The following HEATR3 variants were observed in gnomAD, a reference collection of about 807,000 sequenced individuals.
HEATR3 encodes HEAT repeat containing 3, also known as HEAT repeat-containing protein 3.
HEATR3 carries 56 observed loss-of-function variants against 72.8 expected under a neutral mutation model. The ratio of observed to expected loss-of-function variants is 0.77; its 90% CI spans 0.62 to 0.96. The LOEUF (loss-of-function observed/expected upper bound fraction) is 0.96. Ranked by LOEUF, HEATR3 falls within the 40% of genes least tolerant of loss-of-function variation. The pLI is 0.00. For missense variants in HEATR3, 747 were observed against 831.4 expected, an observed-to-expected ratio of 0.90 and a Z score of 1.25; for synonymous variants, 331 against 318.1, an observed-to-expected ratio of 1.04 and a Z score of -0.43.
chr16:50,081,023 G>A (rs2036855503), intron 7 of HEATR3, among the ~76,000 whole-genome samples: 1 of 152,242 alleles, frequency 6.6e-6, no homozygotes, highest in Non-Finnish European at 1.5e-5. Context: ...ACAAGGTTTA[G>A]ATAGAAGTGC....
intron 7 of HEATR3, 123 bp from the exon 8 acceptor site, chr16:50,083,814 C>T (rs1250025217): frequency 4.1e-6 from 3 of 725,658 alleles, no homozygotes; most frequent in Non-Finnish European, 6.8e-6. Context: ...TTACCTACCC[C>T]ATTCCCCGTG....
chr16:50,075,436 G>C (rs2036703369), intron 5 of HEATR3, 135 bp from the exon 6 acceptor site: 1 of 663,524 alleles, frequency 1.5e-6, no homozygotes, highest in Non-Finnish European at 2.6e-6. Context: ...CTGAGATAAA[G>C]CATATATATT....
At chr16:50,092,130 A>T (rs868608711) in intron 11 of HEATR3, among the ~76,000 whole-genome samples, 11 of 152,052 alleles carry the variant, frequency 7.2e-5, no homozygotes, top group South Asian at 2.1e-4. Flanking sequence ...TGAGCTCAAG[A>T]GTTTGAGACC....
intron 5 of HEATR3, 95 bp downstream of exon 5, chr16:50,072,809 T>A (rs2036642742): frequency 1.3e-6 from 1 of 764,254 alleles, no homozygotes; most frequent in South Asian, 1.5e-5. Context: ...TGGAGTGATT[T>A]TTTGTTTCGT....
Position 50,102,344 on chromosome 16 carries a change from T to G in HEATR3, c.1829T>G (p.Val610Gly). The G allele has an allele frequency of 6.2e-7, 1 of 1,614,066 alleles. No homozygotes were observed. Among genetic ancestry groups the G allele is most frequent in the East Asian group, 2.2e-5 (1 of 44,878 alleles). Residue 610 changes from valine (V) to glycine (G), a missense_variant, in exon 14 of 15, where the codon GTT becomes GGT. Val to Gly is a moderately radical substitution (Grantham distance 109). This residue lies in a region of HEATR3 where 586 missense variants were observed against 708.8 expected (regional missense o/e 0.83). Transcript: ENST00000299192. ...GAAGCTTTGGATGCCCTCTTTGATG[T>G]TTTTGCAGATGGTAAAGAAGCCGAA... ...AGEALDALFD[V>G]FADGKEAERA... is the part of the protein sequence containing the mutation.
chr16:50,086,148 A>G, intron 10 of HEATR3, 67 bp from the exon 11 acceptor site: 1 of 1,448,680 alleles, frequency 6.9e-7, no homozygotes, highest in South Asian at 1.3e-5. Flanking sequence ...TTAGGCTAAA[A>G]GTTAATACTG....
chr16:50,105,312 C>A lies in HEATR3; in HGVS notation c.*251C>A. 5.5e-6 allele frequency: 2 copies of A among 366,898 alleles called. No homozygotes were observed. Among genetic ancestry groups the A allele is most frequent in the Non-Finnish European group, 1.0e-5 (2 of 197,798 alleles). The allele number at this position is 366,898 out of a possible 1,614,324, so 22.7% of individuals were successfully genotyped here. A position where few individuals can be genotyped will look rare whatever the true frequency, so the allele number is the denominator to read the frequency against. On this transcript the variant is annotated 3_prime_UTR_variant, in exon 15 of 15. Coordinates refer to ENST00000299192, the MANE Select transcript of HEATR3 (RefSeq NM_182922.4). ...CAGCCTGGCCAACATGGTGAAACCG[C>A]ATGCATAAGCATGGTGGCACATGCC...
chr16:50,070,117 T>G, intron 3 of HEATR3, 61 bp from the exon 4 acceptor site: 1 of 775,528 alleles, frequency 1.3e-6, no homozygotes, highest in Non-Finnish European at 2.1e-6. Context: ...ATCACCATCA[T>G]TACCCTATTT....
Position 50,066,103 on chromosome 16 carries a change from G to C in HEATR3, c.-29G>C, listed in dbSNP as rs777589004. The C allele has an allele frequency of 1.9e-6, 3 of 1,567,528 alleles. No homozygotes were observed. The South Asian group carries it at 3.5e-5, about 18-fold the overall frequency. On this transcript the variant is annotated 5_prime_UTR_variant, in exon 1 of 15. Transcript: ENST00000299192. ...CCGCCTGCTGTTGCCCTCCTCTCTC[G>C]GTGGTCTGTCCGCCCAGCGCACGTC...
Position 50,066,005 on chromosome 16 carries a change from A to G in HEATR3, c.-127A>G, listed in dbSNP as rs1039137985. 5 of 643,158 alleles carry G rather than the reference A, an allele frequency of 7.8e-6. No individual in the cohort carries two copies. Among genetic ancestry groups the G allele is most frequent in the Non-Finnish European group, 8.3e-6 (4 of 479,666 alleles). The allele number at this position is 643,158 out of a possible 1,614,324, so 39.8% of individuals were successfully genotyped here. A position where few individuals can be genotyped will look rare whatever the true frequency, so the allele number is the denominator to read the frequency against. On this transcript the variant is annotated 5_prime_UTR_variant, in exon 1 of 15. The change abolishes an upstream ATG in the 5' untranslated region. Coordinates refer to ENST00000299192, the MANE Select transcript of HEATR3 (RefSeq NM_182922.4). ...CCGTGCGCCTGCGCACGGCTTGCCC[A>G]TGTGTGCTGCAGCCGTCAGCCGGCC...
In HEATR3 at chr16:50,066,049, G is replaced by C; in HGVS notation, c.-83G>C. On this transcript the variant is annotated 5_prime_UTR_variant, in exon 1 of 15. Coordinates refer to ENST00000299192, the MANE Select transcript of HEATR3 (RefSeq NM_182922.4). ...GCCGGCCCAGCTGAGCAGCAGCAAC[G>C]GACCTTGTTAACGGCGCGGCAGCCT... is the stretch of plus-strand genomic sequence containing the variant. 2.2e-6 allele frequency: 3 copies of C among 1,377,072 alleles called. No individual in the cohort carries two copies. The highest frequency in any genetic ancestry group is 1.2e-5 in the South Asian group (1 of 80,892). 85.3% of individuals were successfully genotyped at this position (1,377,072 alleles called of 1,614,324 possible). A position where few individuals can be genotyped will look rare whatever the true frequency, so the allele number is the denominator to read the frequency against.
At position 50,105,462 on chromosome 16, in the gene HEATR3, C is replaced by CA. The variant is rs527830011; in HGVS notation, c.*422dup. 0.26 allele frequency: 18,789 copies of CA among 72,560 alleles called. 2,233 individuals are homozygous for CA. The highest frequency in any genetic ancestry group is 0.31 in the African/African-American group (6,237 of 19,962). The allele number at this position is 72,560 out of a possible 1,614,324, so 4.5% of individuals were successfully genotyped here. A position where few individuals can be genotyped will look rare whatever the true frequency, so the allele number is the denominator to read the frequency against. ...GGGTGACAGAGGGAGACCCTGTCTC[C>CA]AAAAAAAAAAAAAAAAAAAAACTTC... On this transcript the variant is annotated 3_prime_UTR_variant, in exon 15 of 15. Transcript: ENST00000299192.
intron 7 of HEATR3, among the ~76,000 whole-genome samples, chr16:50,081,763 G>A (rs1176078195): frequency 6.6e-6 from 1 of 152,148 alleles, no homozygotes; most frequent in African/African-American, 2.4e-5. Flanking sequence ...TAAAGGAAGA[G>A]CAGTTCAACC....
chr16:50,095,446 T>C (rs992617985), intron 12 of HEATR3, among the ~76,000 whole-genome samples: 2 of 148,300 alleles, frequency 1.3e-5, no homozygotes, highest in Non-Finnish European at 3.0e-5. Flanking sequence ...TTACAGACTT[T>C]GCAAGCATGC....
Position 50,072,689 on chromosome 16 carries a change from C to T in HEATR3, c.597C>T (p.Thr199=). 6.3e-7 allele frequency: 1 copy of T among 1,593,236 alleles called. No individual in the cohort carries two copies. The highest frequency in any genetic ancestry group is 8.6e-7 in the Non-Finnish European group (1 of 1,160,926). Residue 199 remains threonine, a synonymous_variant, in exon 5 of 15, where the codon ACC becomes ACT. Transcript: ENST00000299192. ...TAAAGTATTTAAGTAGGTTTCCTAC[C>T]AATGTTGACCTGGCTATTTCAGTAG... ...IVLKYLSRFP[T]NVDLAISVAY...
In HEATR3 at chr16:50,104,925, T is replaced by A. The variant is rs565586395; in HGVS notation, c.1921-14T>A. On this transcript the variant is annotated splice_polypyrimidine_tract_variant and intron_variant, in intron 14 of 14. Transcript: ENST00000299192. ...CTACCAAGTCATATATGATTTTTTGTTTTTTGTTTGCAGATACGTAAAGAA... is the reference window on the plus strand; with the variant it reads ...CTACCAAGTCATATATGATTTTTTGATTTTTGTTTGCAGATACGTAAAGAA... 1.3e-6 allele frequency: 2 copies of A among 1,570,624 alleles called. No homozygotes were observed. The highest frequency in any genetic ancestry group is 1.7e-6 in the Non-Finnish European group (2 of 1,164,786).
rs1168819984 is a variant in HEATR3 at position 50,079,029 on chromosome 16, T to C, written c.1041+11T>C. The C allele has an allele frequency of 4.4e-6, 7 of 1,604,848 alleles. No homozygotes were observed. The highest frequency in any genetic ancestry group is 5.9e-6 in the Non-Finnish European group (7 of 1,177,002). On this transcript the variant is annotated intron_variant, in intron 7 of 14. Coordinates refer to ENST00000299192, the MANE Select transcript of HEATR3 (RefSeq NM_182922.4). ...TCAGATTTACTTCCGGTAAGTCAGG[T>C]TGCTGTTCTCAAATATGGATTAATA...
At chr16:50,067,692 C>T (rs180679079) in intron 2 of HEATR3, among the ~76,000 whole-genome samples, 8 of 152,252 alleles carry the variant, frequency 5.3e-5, no homozygotes, top group Admixed American at 2.0e-4. Context: ...GAATGGACTG[C>T]AGAGGGGGCA....
At chr16:50,091,865 C>A (rs2037119598) in intron 11 of HEATR3, among the ~76,000 whole-genome samples, 1 of 141,396 alleles carries the variant, frequency 7.1e-6, no homozygotes, top group Non-Finnish European at 1.5e-5. Context: ...CAGAGCGAGA[C>A]TCTGTCTCAA....
Sources: gnomAD v4.1 joint callset for allele counts (sites outside exome capture counted in the v4.1 genomes callset) on GRCh38, gnomAD v4.1.1 for gene constraint, gnomAD v4.1.1 regional missense constraint, MANE v1.5 for transcripts, NCBI Gene and HGNC (gene_info 2026-07-23, HGNC 2026-07-21) for gene names.